Variants in MAP4K3 observed in about 807,000 individuals in gnomAD.
MAP4K3 encodes the protein mitogen-activated protein kinase kinase kinase kinase 3, also known as MAPK/ERK kinase kinase kinase 3.
Under a neutral mutation model 143.5 loss-of-function variants are expected in MAP4K3, and 94 were observed. The observed-to-expected ratio is 0.65, with a 90% CI of 0.55 to 0.78. The LOEUF (loss-of-function observed/expected upper bound fraction) is 0.78, where lower values mean the gene tolerates loss of function less well. Among genes scored for constraint, MAP4K3 ranks in the 30% least tolerant of loss-of-function variants. The pLI is 0.00. For synonymous variants in MAP4K3, 416 were observed against 347.2 expected, an observed-to-expected ratio of 1.20 and a Z score of -2.20; for missense variants, 1,077 against 1,068.1, an observed-to-expected ratio of 1.01 and a Z score of -0.12.
rs1681399495 is a variant in MAP4K3, at chr2:39,279,115, AACACTTCCAAG to A, written c.1715-640_1715-630del. On this transcript the variant is annotated intron_variant, in intron 23 of 33. Transcript: ENST00000263881. ...CTTTAGAACAGGAAAGAAAGGAAAG[AACACTTCCAAG>A]AGATCCAAGCAGGCAACTTGAAGAA... 2.0e-5 allele frequency among the ~76,000 whole-genome samples: 3 copies of A among 152,302 alleles called. No individual in the cohort carries two copies. The South Asian group carries it at 6.2e-4, about 32-fold the overall frequency.
At position 39,321,790 on chromosome 2, in the gene MAP4K3, T is replaced by G. The variant is rs565085772; in HGVS notation, c.918+3728A>C. Among the ~76,000 whole-genome samples, 8 of 152,338 alleles carry G rather than the reference T, an allele frequency of 5.3e-5. No homozygotes were observed. The East Asian group carries it at 1.5e-3, about 29-fold the overall frequency. ...GCAACAATACTGGTTTGTAAAGCATTGAGATGTTTATGTGTATGCATATCT... is the reference window on the plus strand; with the variant it reads ...GCAACAATACTGGTTTGTAAAGCATGGAGATGTTTATGTGTATGCATATCT... On this transcript the variant is annotated intron_variant, in intron 12 of 33. Coordinates refer to ENST00000263881, the MANE Select transcript of MAP4K3 (RefSeq NM_003618.4).
intron 2 of MAP4K3, among the ~76,000 whole-genome samples, chr2:39,369,365 G>T (rs1037914077): frequency 1.3e-5 from 2 of 151,568 alleles, no homozygotes; most frequent in African/African-American, 4.8e-5. Flanking sequence ...CAGGCTGATC[G>T]TGAACTCCTG....
At chr2:39,250,798 T>A in intron 33 of MAP4K3, 93 bp from the exon 34 acceptor site, 1 of 911,532 alleles carries the variant, frequency 1.1e-6, no homozygotes, top group Non-Finnish European at 1.7e-6. Flanking sequence ...AATATGTGCC[T>A]CTATAAATGC....
At chr2:39,353,479 T>C (rs1379411445) in intron 3 of MAP4K3, among the ~76,000 whole-genome samples, 1 of 152,216 alleles carries the variant, frequency 6.6e-6, no homozygotes, top group African/African-American at 2.4e-5. Context: ...TGTACAACAC[T>C]AAAAAGAACA....
intron 2 of MAP4K3, among the ~76,000 whole-genome samples, chr2:39,371,054 G>C (rs1358890444): frequency 6.6e-6 from 1 of 152,046 alleles, no homozygotes; most frequent in East Asian, 1.9e-4. Context: ...AGAATTGGCA[G>C]TGTTCTAGCC....
intron 32 of MAP4K3, among the ~76,000 whole-genome samples, chr2:39,253,153 G>T (rs1234006035): frequency 6.6e-6 from 1 of 152,128 alleles, no homozygotes; most frequent in Non-Finnish European, 1.5e-5. Context: ...TTTGGAGGGG[G>T]ACGGAGTCTT....
chr2:39,291,448 TA>T (rs1682043215), intron 18 of MAP4K3, among the ~76,000 whole-genome samples: 1 of 152,210 alleles, frequency 6.6e-6, no homozygotes, highest in Non-Finnish European at 1.5e-5. Context: ...GTATAAAATA[TA>T]TCACATTGTA....
At chr2:39,354,419 G>C (rs1665547647) in intron 3 of MAP4K3, among the ~76,000 whole-genome samples, 1 of 152,044 alleles carries the variant, frequency 6.6e-6, no homozygotes, top group South Asian at 2.1e-4. Context: ...CTCCAGCCTG[G>C]GTGACAGACT....
Position 39,272,391 on chromosome 2 carries a change from G to A in MAP4K3, c.1865C>T (p.Ser622Phe). 6.2e-7 allele frequency: 1 copy of A among 1,609,170 alleles called. No homozygotes were observed. The highest frequency in any genetic ancestry group is 8.5e-7 in the Non-Finnish European group (1 of 1,175,776). ...NCLLSISGKA[S>F]QLYSHNLPGL... ...TGGTAAATTATGGGAATAAAGCTGAGAAGCTTTACCTATAAAGAAAAACAG... is the reference window on the plus strand; with the variant it reads ...TGGTAAATTATGGGAATAAAGCTGAAAAGCTTTACCTATAAAGAAAAACAG... Residue 622 changes from serine to phenylalanine, a missense_variant, in exon 26 of 34, where the codon TCT becomes TTT. Transcript: ENST00000263881.
chr2:39,277,865 G>A (rs768196867), intron 24 of MAP4K3, among the ~76,000 whole-genome samples: 43 of 151,434 alleles, frequency 2.8e-4, no homozygotes, highest in Non-Finnish European at 3.1e-4. Context: ...CATGCTCGGC[G>A]TCATGAGGAT....
chr2:39,283,686 G>A lies in MAP4K3; in HGVS notation c.1588-1132C>T, dbSNP rs565818429. Reference sequence around the variant, plus strand: ...ACAGGCAATTATAAGGAGAAGAAATGTAACACATTTGCTCACCCACACTAT... The same window carrying A: ...ACAGGCAATTATAAGGAGAAGAAATATAACACATTTGCTCACCCACACTAT... On this transcript the variant is annotated intron_variant, in intron 21 of 33. Coordinates refer to ENST00000263881, the MANE Select transcript of MAP4K3 (RefSeq NM_003618.4). 9.2e-5 allele frequency: 14 copies of A among 152,258 alleles called. No individual in the cohort carries two copies. The East Asian group carries it at 2.7e-3, about 29-fold the overall frequency. 9.4% of individuals were successfully genotyped at this position (152,258 alleles called of 1,614,324 possible). A position where few individuals can be genotyped will look rare whatever the true frequency, so the allele number is the denominator to read the frequency against.
intron 13 of MAP4K3, among the ~76,000 whole-genome samples, chr2:39,312,619 G>T (rs2148502417): frequency 6.6e-6 from 1 of 152,218 alleles, no homozygotes; most frequent in East Asian, 1.9e-4. Context: ...GTTATGTCTG[G>T]GTGTGTATAT....
chr2:39,285,283 T>C lies in MAP4K3; in HGVS notation c.1587+1569A>G, dbSNP rs570846603. On this transcript the variant is annotated intron_variant, in intron 21 of 33. Transcript: ENST00000263881. ...AGCCATGGACATATTTATTTCAGAA[T>C]TACTGAAACAGTTCCTTATCTTAAT... Among the ~76,000 whole-genome samples the C allele has an allele frequency of 3.8e-4, 58 of 152,318 alleles. No homozygotes were observed. In the South Asian group the frequency reaches 0.011, roughly 29 times the overall value.
chr2:39,282,006 C>A (rs532830990), intron 22 of MAP4K3, among the ~76,000 whole-genome samples: 1 of 151,858 alleles, frequency 6.6e-6, no homozygotes, highest in Admixed American at 6.6e-5. Flanking sequence ...CCAGCCTGGC[C>A]AATATGGTAA....
At chr2:39,307,241 A>C (rs1682743563) in intron 15 of MAP4K3, among the ~76,000 whole-genome samples, 1 of 152,204 alleles carries the variant, frequency 6.6e-6, no homozygotes, top group Non-Finnish European at 1.5e-5. Flanking sequence ...ACAGTAGCAG[A>C]AAGAACTATT....
intron 6 of MAP4K3, among the ~76,000 whole-genome samples, chr2:39,335,401 C>G (rs1237445690): frequency 6.6e-6 from 1 of 152,040 alleles, no homozygotes; most frequent in African/African-American, 2.4e-5. Context: ...GTGGCGATGA[C>G]CCAAATCAAA....
At chr2:39,340,922 G>A (rs1665119813) in intron 4 of MAP4K3, among the ~76,000 whole-genome samples, 1 of 152,084 alleles carries the variant, frequency 6.6e-6, no homozygotes, top group African/African-American at 2.4e-5. Context: ...TGGTAAATAG[G>A]AAATTGAGTT....
chr2:39,352,319 G>A (rs1314462508), intron 3 of MAP4K3, among the ~76,000 whole-genome samples: 4 of 152,032 alleles, frequency 2.6e-5, no homozygotes, highest in Non-Finnish European at 5.9e-5. Context: ...AGCATTTATT[G>A]TTTTTCCCCC....
chr2:39,404,450 C>T, intron 1 of MAP4K3, among the ~76,000 whole-genome samples: 1 of 152,048 alleles, frequency 6.6e-6, no homozygotes, highest in East Asian at 1.9e-4. Context: ...ACAGTACTCC[C>T]CATGGGCCTG....
Sources: gnomAD v4.1 joint callset for allele counts (sites outside exome capture counted in the v4.1 genomes callset) on GRCh38, gnomAD v4.1.1 for gene constraint, MANE v1.5 for transcripts, NCBI Gene and HGNC (gene_info 2026-07-23, HGNC 2026-07-21) for gene names.